NCAM2: variants seen among roughly 807,000 people sequenced by gnomAD.
NCAM2 encodes the protein N-CAM-2.
In NCAM2, 30 loss-of-function variants were observed where a neutral mutation model predicts 98.1. That is an observed-to-expected ratio of 0.31 (90% confidence interval 0.23 to 0.41). The LOEUF (loss-of-function observed/expected upper bound fraction) is 0.41, where lower values mean the gene tolerates loss of function less well. Ranked by LOEUF, NCAM2 falls within the 10% of genes least tolerant of loss-of-function variation. The pLI, the probability that NCAM2 is intolerant of heterozygous loss-of-function variation, is 1.00. For missense variants in NCAM2, 867 were observed against 1,005.8 expected, an observed-to-expected ratio of 0.86 and a Z score of 1.87; for synonymous variants, 368 against 342.4, an observed-to-expected ratio of 1.07 and a Z score of -0.83.
At chr21:21,093,969 G>T (rs969699334) in intron 1 of NCAM2, among the ~76,000 whole-genome samples, 1 of 151,668 alleles carries the variant, frequency 6.6e-6, no homozygotes, top group African/African-American at 2.4e-5. Flanking sequence ...TCTCTGAGTG[G>T]GTCAAATGCC....
intron 9 of NCAM2, among the ~76,000 whole-genome samples, chr21:21,380,003 T>A (rs981323864): frequency 2.0e-5 from 3 of 152,084 alleles, no homozygotes; most frequent in African/African-American, 7.2e-5. Context: ...TAGGCCAGTC[T>A]AGTCTTTTCA....
At chr21:21,059,146 T>C (rs1372114756) in intron 1 of NCAM2, among the ~76,000 whole-genome samples, 47 of 152,124 alleles carry the variant, frequency 3.1e-4, no homozygotes, top group Non-Finnish European at 4.4e-5. Flanking sequence ...ATATATGCCA[T>C]CTTCTTTGCA....
intron 1 of NCAM2, among the ~76,000 whole-genome samples, chr21:21,149,351 A>G (rs532397960): frequency 1.3e-5 from 2 of 152,206 alleles, no homozygotes; most frequent in South Asian, 4.1e-4. Context: ...GTCATGGAAT[A>G]TTTCTCAATT....
chr21:21,395,184 A>G (rs2076475934), intron 9 of NCAM2, among the ~76,000 whole-genome samples: 1 of 152,060 alleles, frequency 6.6e-6, no homozygotes, highest in Non-Finnish European at 1.5e-5. Flanking sequence ...ATACAAAAAA[A>G]ATTAGCTGGG....
intron 16 of NCAM2, among the ~76,000 whole-genome samples, chr21:21,519,061 G>C (rs1988868727): frequency 6.6e-6 from 1 of 152,048 alleles, no homozygotes; most frequent in South Asian, 2.1e-4. Flanking sequence ...TTCTAACATG[G>C]GGATGAGCTT....
chr21:21,182,625 G>A (rs991191053), intron 1 of NCAM2, among the ~76,000 whole-genome samples: 1 of 152,026 alleles, frequency 6.6e-6, no homozygotes, highest in African/African-American at 2.4e-5. Flanking sequence ...TGCTCTAGTT[G>A]AATTGGCTTT....
chr21:21,391,373 G>A (rs1371875871), intron 9 of NCAM2, among the ~76,000 whole-genome samples: 1 of 152,100 alleles, frequency 6.6e-6, no homozygotes, highest in Non-Finnish European at 1.5e-5. Context: ...ACAACTTAAT[G>A]TGCTTATAAG....
In NCAM2 at chr21:21,169,745, T is replaced by C. The variant is rs2068061077; in HGVS notation, c.56-110833T>C. On this transcript the variant is annotated intron_variant, in intron 1 of 17. Coordinates refer to ENST00000400546, the MANE Select transcript of NCAM2 (RefSeq NM_004540.5). ...TGGAGGATAACTGGAGCCCAAAAGT[T>C]TGAAACCAGCCTGGGCAACATGGTG... Among the ~76,000 whole-genome samples, 4 of 152,018 alleles carry C rather than the reference T, an allele frequency of 2.6e-5. No homozygotes were observed. In the South Asian group the frequency reaches 8.3e-4, roughly 32 times the overall value.
intron 1 of NCAM2, among the ~76,000 whole-genome samples, chr21:21,066,137 G>C (rs1248957595): frequency 6.6e-6 from 1 of 152,112 alleles, no homozygotes; most frequent in Non-Finnish European, 1.5e-5. Flanking sequence ...TCTCTGTTCA[G>C]TTCTCTCTGC....
At chr21:21,081,643 C>G (rs1343499964) in intron 1 of NCAM2, among the ~76,000 whole-genome samples, 1 of 72,830 alleles carries the variant, frequency 1.4e-5, no homozygotes, top group Non-Finnish European at 4.0e-5. Context: ...TCTACCAAAA[C>G]TACAAAACGT....
At chr21:21,215,438 C>T (rs1234095704) in intron 1 of NCAM2, among the ~76,000 whole-genome samples, 2 of 152,072 alleles carry the variant, frequency 1.3e-5, no homozygotes, top group Admixed American at 1.3e-4. Flanking sequence ...ATGTTTCAGT[C>T]TCTTCAAGAG....
At chr21:21,498,405 T>A (rs976591904) in intron 15 of NCAM2, among the ~76,000 whole-genome samples, 2 of 152,208 alleles carry the variant, frequency 1.3e-5, no homozygotes, top group African/African-American at 4.8e-5. Flanking sequence ...TTACTAGCAT[T>A]ACATACTTTT....
At chr21:21,332,497 G>A (rs545365386) in intron 6 of NCAM2, among the ~76,000 whole-genome samples, 56 of 152,238 alleles carry the variant, frequency 3.7e-4, no homozygotes, top group African/African-American at 1.3e-3. Flanking sequence ...TCCTGGTGCT[G>A]TGTGAGCTTC....
At chr21:21,257,437 A>G (rs1269407823) in intron 1 of NCAM2, among the ~76,000 whole-genome samples, 1 of 152,218 alleles carries the variant, frequency 6.6e-6, no homozygotes, top group African/African-American at 2.4e-5. Context: ...GGTAATCATT[A>G]GAGCACGTTG....
intron 8 of NCAM2, among the ~76,000 whole-genome samples, chr21:21,356,747 T>C (rs888988978): frequency 1.4e-4 from 21 of 152,172 alleles, no homozygotes; most frequent in Admixed American, 1.2e-3. Context: ...TCCCAGCACT[T>C]TGGGAGGCCA....
intron 1 of NCAM2, among the ~76,000 whole-genome samples, chr21:21,179,368 A>C (rs1330442490): frequency 6.6e-6 from 1 of 152,160 alleles, no homozygotes; most frequent in East Asian, 1.9e-4. Context: ...AAAGCAGTAC[A>C]AAGTCGAGTA....
chr21:21,262,356 A>G lies in NCAM2; in HGVS notation c.56-18222A>G, dbSNP rs1461755981. Among the ~76,000 whole-genome samples, 3 of 152,250 alleles carry G rather than the reference A, an allele frequency of 2.0e-5. No homozygotes were observed. The East Asian group carries it at 5.8e-4, about 29-fold the overall frequency. The stretch of plus-strand genomic sequence containing the variant: ...AAGGGGTTTCTTCCTAACTCATTCT[A>G]TTAAACCAGTATTACCCTGATACCA... On this transcript the variant is annotated intron_variant, in intron 1 of 17. Coordinates refer to ENST00000400546, the MANE Select transcript of NCAM2 (RefSeq NM_004540.5).
chr21:21,521,286 G>T (rs1375928592), intron 16 of NCAM2, among the ~76,000 whole-genome samples: 2 of 152,080 alleles, frequency 1.3e-5, no homozygotes, highest in Admixed American at 1.3e-4. Flanking sequence ...ATCATGGGAT[G>T]ATAGTCTCTT....
chr21:21,061,520 TTTGA>T (rs1457184199), intron 1 of NCAM2, among the ~76,000 whole-genome samples: 2 of 152,178 alleles, frequency 1.3e-5, no homozygotes, highest in Non-Finnish European at 2.9e-5. Context: ...ATGAAGCCCC[TTTGA>T]TTGATAACCT....
Sources: allele counts gnomAD v4.1 joint callset (sites outside exome capture counted in the v4.1 genomes callset), GRCh38; gene constraint gnomAD v4.1.1; transcripts MANE v1.5; gene names NCBI Gene and HGNC (gene_info 2026-07-23, HGNC 2026-07-21).